NDE1: variants seen among roughly 807,000 people sequenced by gnomAD.
NDE1 encodes nudE neurodevelopment protein 1.
Under a neutral mutation model 43.4 loss-of-function variants are expected in NDE1, and 28 were observed. That is an observed-to-expected ratio of 0.65 (90% CI 0.48 to 0.89). NDE1 has a LOEUF of 0.89. Among genes scored for constraint, NDE1 ranks in the 40% least tolerant of loss-of-function variants. The pLI is 0.00. For synonymous variants in NDE1, 184 were observed against 172.0 expected (o/e 1.07, Z -0.55); for missense variants, 441 against 434.1 (o/e 1.02, Z -0.14).
chr16:15,718,238 C>A (rs950475167), intron 8 of NDE1: 1 of 1,599,492 alleles, frequency 6.3e-7, no homozygotes, highest in South Asian at 1.1e-5. Context: ...AGCCGCCACG[C>A]GTGTGTTGAC....
At chr16:15,678,906 C>G (rs570596084) in intron 4 of NDE1, among the ~76,000 whole-genome samples, 62 of 152,064 alleles carry the variant, frequency 4.1e-4, no homozygotes, top group Admixed American at 3.1e-3. Flanking sequence ...GAAAACCCGT[C>G]TCTACTAAAA....
intron 5 of NDE1, among the ~76,000 whole-genome samples, chr16:15,689,913 C>G (rs566887674): frequency 5.6e-5 from 8 of 144,078 alleles, no homozygotes; most frequent in Non-Finnish European, 1.2e-4. Flanking sequence ...CACTTAAGCC[C>G]GGGCAAGAGA....
At position 15,688,540 on chromosome 16, in the gene NDE1, C is replaced by T. The variant is rs567271374; in HGVS notation, c.523+1029C>T. 1.3e-4 allele frequency among the ~76,000 whole-genome samples: 18 copies of T among 142,812 alleles called. 1 individual carries two copies. In the South Asian group the frequency reaches 2.7e-3, roughly 21 times the overall value. 93.7% of individuals were successfully genotyped at this position (142,812 alleles called of 152,430 possible). On this transcript the variant is annotated intron_variant, in intron 5 of 8. Transcript: ENST00000396354. ...CCCAGCTGCTCAGGAGGCTGAGGCA[C>T]GAGAATTGCTTGAACCTGGGAGGTG...
At chr16:15,694,306 G>T in intron 7 of NDE1, 50 bp downstream of exon 7, 1 of 1,598,402 alleles carries the variant, frequency 6.3e-7, no homozygotes, top group Middle Eastern at 1.7e-4. Flanking sequence ...TGTCTTTCAG[G>T]ATGTGTGAAG....
intron 4 of NDE1, 125 bp downstream of exon 4, chr16:15,678,074 CCTT>C: frequency 8.0e-7 from 1 of 1,252,912 alleles, no homozygotes; most frequent in Non-Finnish European, 1.2e-6. Flanking sequence ...AAGCCAGTGC[CCTT>C]CTGGATTTTA....
rs536735715 is a variant in NDE1, at chr16:15,654,918, A to G, written c.-44+4624A>G. 4.6e-5 allele frequency among the ~76,000 whole-genome samples: 7 copies of G among 152,034 alleles called. No homozygotes were observed. In the South Asian group the frequency reaches 1.5e-3, roughly 32 times the overall value. Reference sequence around the variant, plus strand: ...ACACAGCAAACAGAAGGTCAAATTCAGTACTTAATGCTGATAAAATAAGAG... The same window carrying G: ...ACACAGCAAACAGAAGGTCAAATTCGGTACTTAATGCTGATAAAATAAGAG... On this transcript the variant is annotated intron_variant, in intron 1 of 8. Coordinates refer to ENST00000396354, the MANE Select transcript of NDE1 (RefSeq NM_017668.3).
At chr16:15,647,769 A>T (rs1400869235), upstream of NDE1, among the ~76,000 whole-genome samples, 1 of 152,108 alleles carries the variant, frequency 6.6e-6, no homozygotes, top group Admixed American at 6.6e-5. Context: ...GTTCATGCCT[A>T]TAATCCCAGC....
At chr16:15,666,090 C>A (rs923066342) in intron 2 of NDE1, among the ~76,000 whole-genome samples, 1 of 152,014 alleles carries the variant, frequency 6.6e-6, no homozygotes, top group African/African-American at 2.4e-5. Flanking sequence ...TTTATCAGTT[C>A]CTAGATGCCA....
chr16:15,689,475 G>A (rs967900877), intron 5 of NDE1, among the ~76,000 whole-genome samples: 1 of 152,170 alleles, frequency 6.6e-6, no homozygotes, highest in African/African-American at 2.4e-5. Flanking sequence ...CTGGGTGACT[G>A]AGTCAGACCC....
intron 8 of NDE1, among the ~76,000 whole-genome samples, chr16:15,707,978 AAG>A (rs57351581): frequency 0.058 from 7,447 of 127,440 alleles, 619 homozygotes; most frequent in African/African-American, 0.21. Flanking sequence ...AAAAAAAAAA[AAG>A]CAAAATCCCA....
At chr16:15,673,295 CGCCTCCCGGGCTCAAGCGATTCCCCT>C (rs1183945985) in intron 3 of NDE1, among the ~76,000 whole-genome samples, 3 of 151,968 alleles carry the variant, frequency 2.0e-5, no homozygotes, top group Non-Finnish European at 4.4e-5. Context: ...CTGCAACCTC[CGCCTCCCGGGCTCAAGCGATTCCCCT>C]GCCTCCCGGG....
intron 3 of NDE1, among the ~76,000 whole-genome samples, chr16:15,671,374 G>A (rs867771551): frequency 2.0e-5 from 3 of 152,118 alleles, no homozygotes; most frequent in Non-Finnish European, 4.4e-5. Context: ...ATTGGACATG[G>A]TAGTGCACAC....
Position 15,725,568 on chromosome 16 carries a change from G to A in NDE1, c.*1317G>A. On this transcript the variant is annotated 3_prime_UTR_variant, in exon 9 of 9. Transcript: ENST00000396354. ...TCTCTGCATAAGTCCCTTTGAGGCTGTTAGCCTACCCCTCCATCTCTTCCA... is the reference window on the plus strand; with the variant it reads ...TCTCTGCATAAGTCCCTTTGAGGCTATTAGCCTACCCCTCCATCTCTTCCA... 2.5e-6 allele frequency: 1 copy of A among 407,476 alleles called. No homozygotes were observed. The highest frequency in any genetic ancestry group is 4.3e-6 in the Non-Finnish European group (1 of 230,610). The allele number at this position is 407,476 out of a possible 1,614,324, so 25.2% of individuals were successfully genotyped here. A position where few individuals can be genotyped will look rare whatever the true frequency, so the allele number is the denominator to read the frequency against.
chr16:15,722,078 G>A (rs562041668), intron 8 of NDE1, among the ~76,000 whole-genome samples: 64 of 152,074 alleles, frequency 4.2e-4, no homozygotes, highest in Non-Finnish European at 5.7e-4. Flanking sequence ...GGCTGGTCTC[G>A]AACTCCTGAC....
At chr16:15,663,094 A>G (rs1014563655) in intron 1 of NDE1, among the ~76,000 whole-genome samples, 2 of 152,066 alleles carry the variant, frequency 1.3e-5, no homozygotes, top group Non-Finnish European at 2.9e-5. Context: ...CCTTTATTTC[A>G]GTCTGTCCAG....
At chr16:15,723,964 T>G (rs1305645318) in intron 8 of NDE1, among the ~76,000 whole-genome samples, 2 of 152,168 alleles carry the variant, frequency 1.3e-5, no homozygotes, top group Admixed American at 1.3e-4. Flanking sequence ...CATCAAGGCT[T>G]CTTTGCCATC....
Position 15,715,068 on chromosome 16 carries a change from T to C in NDE1, c.948-9123T>C, listed in dbSNP as rs373369803. ...CCTCTTGAGCTGCTTGACCCTGGCA[T>C]TGCCTTTCTCTGCCTGTCGCGGAGA... On this transcript the variant is annotated intron_variant, in intron 8 of 8. Coordinates refer to ENST00000396354, the MANE Select transcript of NDE1 (RefSeq NM_017668.3). The C allele has an allele frequency of 1.1e-5, 18 of 1,613,184 alleles. No homozygotes were observed. Among genetic ancestry groups the C allele is most frequent in the Non-Finnish European group, 1.4e-5 (17 of 1,179,998 alleles).
chr16:15,657,177 A>C (rs1163318939), intron 1 of NDE1, among the ~76,000 whole-genome samples: 1 of 151,448 alleles, frequency 6.6e-6, no homozygotes, highest in African/African-American at 2.4e-5. Flanking sequence ...GGCTCACTGC[A>C]ACCTCCGCCT....
intron 8 of NDE1, chr16:15,718,214 G>T (rs1437119513): frequency 4.4e-6 from 7 of 1,576,630 alleles, no homozygotes; most frequent in Non-Finnish European, 5.2e-6. Context: ...TCAATCCAGG[G>T]CCTGCACACA....
Sources: allele counts gnomAD v4.1 joint callset (sites outside exome capture counted in the v4.1 genomes callset), GRCh38; gene constraint gnomAD v4.1.1; transcripts MANE v1.5; gene names NCBI Gene and HGNC (gene_info 2026-07-23, HGNC 2026-07-21).